The following BMP5 variants were observed in gnomAD, a reference collection of about 807,000 sequenced individuals.
The protein encoded by BMP5 is bone morphogenetic protein 5.
Under a neutral mutation model 46.6 loss-of-function variants are expected in BMP5, and 23 were observed. The ratio of observed to expected loss-of-function variants is 0.49; its 90% confidence interval spans 0.35 to 0.70. The LOEUF (loss-of-function observed/expected upper bound fraction) is 0.70. BMP5 is among the 30% of genes least tolerant of loss of function. The probability of loss-of-function intolerance (pLI) is 0.00; values close to 1 mark genes in which losing one functional copy is unlikely to be tolerated. For synonymous variants in BMP5, 204 were observed against 191.9 expected (o/e 1.06, Z -0.52); for missense variants, 545 against 565.6 (o/e 0.96, Z 0.37).
At chr6:55,837,401 C>T (rs1776840782) in intron 1 of BMP5, among the ~76,000 whole-genome samples, 1 of 143,448 alleles carries the variant, frequency 7.0e-6, no homozygotes, top group Non-Finnish European at 1.5e-5. Context: ...AAGAGATAGG[C>T]AGGCAGACAG....
intron 4 of BMP5, among the ~76,000 whole-genome samples, chr6:55,765,384 A>G (rs1406849867): frequency 6.6e-6 from 1 of 152,236 alleles, no homozygotes; most frequent in Non-Finnish European, 1.5e-5. Context: ...GCTGTTTCAA[A>G]GCAAAAGAGG....
At chr6:55,873,914 C>T (rs1408325282) in intron 1 of BMP5, among the ~76,000 whole-genome samples, 1 of 151,790 alleles carries the variant, frequency 6.6e-6, no homozygotes. Flanking sequence ...TATATTTTTA[C>T]AGTAGTTGCC....
rs1562023477 is a variant in BMP5 at position 55,759,172 on chromosome 6, A to AAAAAAAAAC, written c.1105-58_1105-57insGTTTTTTTT. On this transcript the variant is annotated intron_variant, in intron 5 of 6. Transcript: ENST00000370830. ...AAAAAAAAAAAAAAAAAAAAAAAAAAAAAAAAAAAAACAACAAGAAAAAAT... is the reference window on the plus strand; with the variant it reads ...AAAAAAAAAAAAAAAAAAAAAAAAAAAAAAAAAACAAAAAAAAAAACAACAAGAAAAAAT... The AAAAAAAAAC allele has an allele frequency of 3.5e-5, 26 of 738,952 alleles. 1 individual carries two copies. Among genetic ancestry groups the AAAAAAAAAC allele is most frequent in the South Asian group, 1.0e-4 (5 of 48,068 alleles). The allele number at this position is 738,952 out of a possible 1,614,324, so 45.8% of individuals were successfully genotyped here.
chr6:55,782,970 T>C (rs910843733), intron 3 of BMP5, among the ~76,000 whole-genome samples: 3 of 152,122 alleles, frequency 2.0e-5, no homozygotes, highest in Admixed American at 1.3e-4. Flanking sequence ...TTTTTAGAGA[T>C]TGGTGAATAC....
chr6:55,810,257 T>A (rs2127534941), intron 2 of BMP5, among the ~76,000 whole-genome samples: 1 of 152,308 alleles, frequency 6.6e-6, no homozygotes, highest in Non-Finnish European at 1.5e-5. Flanking sequence ...TCAGAATATC[T>A]AATTCCATGC....
intron 1 of BMP5, among the ~76,000 whole-genome samples, chr6:55,843,896 T>G (rs1777030010): frequency 6.6e-6 from 1 of 152,020 alleles, no homozygotes; most frequent in Non-Finnish European, 1.5e-5. Context: ...CTTATGACAT[T>G]CTTGTTTTTT....
rs1051632078 is a variant in BMP5, at chr6:55,754,644, C to G, written c.*889G>C. The stretch of plus-strand genomic sequence containing the variant: ...GCATCTTCTGCTCTTGTACATTTTA[C>G]GCATGCAGTGACTCTTGCCTGTGGG... On this transcript the variant is annotated 3_prime_UTR_variant, in exon 7 of 7. Coordinates refer to ENST00000370830, the MANE Select transcript of BMP5 (RefSeq NM_021073.4). 1 of 151,862 alleles carries G rather than the reference C, an allele frequency of 6.6e-6. No homozygotes were observed. Among genetic ancestry groups the G allele is most frequent in the African/African-American group, 2.4e-5 (1 of 41,394 alleles). The allele number at this position is 151,862 out of a possible 1,614,324, so 9.4% of individuals were successfully genotyped here. A position where few individuals can be genotyped will look rare whatever the true frequency, so the allele number is the denominator to read the frequency against.
intron 1 of BMP5, among the ~76,000 whole-genome samples, chr6:55,828,828 A>C (rs1408906177): frequency 6.6e-6 from 1 of 151,804 alleles, no homozygotes; most frequent in Non-Finnish European, 1.5e-5. Context: ...CAAACAAATA[A>C]ATATCTGAAA....
chr6:55,850,796 G>T (rs1012448618), intron 1 of BMP5, among the ~76,000 whole-genome samples: 3 of 152,126 alleles, frequency 2.0e-5, no homozygotes, highest in African/African-American at 2.4e-5. Flanking sequence ...AAGAAAGTAG[G>T]TTCCAGTCCC....
chr6:55,797,594 GTTTGTGATTATTTTCTTTTCTTTTT>G (rs1262335984), intron 2 of BMP5, among the ~76,000 whole-genome samples: 4 of 146,496 alleles, frequency 2.7e-5, no homozygotes, highest in Non-Finnish European at 6.0e-5. Context: ...TCAGAATGGT[GTTTGTGATTATTTTCTTTTCTTTTT>G]TTTTTTTTTT....
chr6:55,846,467 G>A (rs760089147), intron 1 of BMP5, among the ~76,000 whole-genome samples: 4 of 151,854 alleles, frequency 2.6e-5, no homozygotes, highest in Non-Finnish European at 4.4e-5. Context: ...TCGTGGTAGC[G>A]TTACTTAATA....
intron 1 of BMP5, among the ~76,000 whole-genome samples, chr6:55,866,140 T>A (rs1777634938): frequency 6.6e-6 from 1 of 152,200 alleles, no homozygotes; most frequent in Non-Finnish European, 1.5e-5. Flanking sequence ...CCTCTCTTCC[T>A]CTTTTAATAA....
At chr6:55,771,525 G>C (rs889807589) in intron 4 of BMP5, among the ~76,000 whole-genome samples, 2 of 151,800 alleles carry the variant, frequency 1.3e-5, no homozygotes, top group Admixed American at 6.6e-5. Flanking sequence ...CTGTCAGCAC[G>C]TTAATTTACT....
chr6:55,796,471 T>A (rs957453751), intron 2 of BMP5, among the ~76,000 whole-genome samples: 7 of 151,960 alleles, frequency 4.6e-5, no homozygotes, highest in East Asian at 1.9e-4. Flanking sequence ...ATATATATAT[T>A]TTTTTCTTAT....
At chr6:55,844,002 A>G (rs1777033758) in intron 1 of BMP5, among the ~76,000 whole-genome samples, 1 of 152,056 alleles carries the variant, frequency 6.6e-6, no homozygotes, top group South Asian at 2.1e-4. Flanking sequence ...GAACATATAC[A>G]CTAAAGGTGA....
At chr6:55,862,034 T>A (rs1777537825) in intron 1 of BMP5, among the ~76,000 whole-genome samples, 1 of 152,224 alleles carries the variant, frequency 6.6e-6, no homozygotes, top group Non-Finnish European at 1.5e-5. Flanking sequence ...GCATGCTCTC[T>A]TGCACATCAT....
chr6:55,838,126 T>C (rs565595819), intron 1 of BMP5, among the ~76,000 whole-genome samples: 1 of 152,282 alleles, frequency 6.6e-6, no homozygotes, highest in East Asian at 1.9e-4. Context: ...AACACAGGAG[T>C]GCAGTTATCT....
chr6:55,825,374 G>C (rs16887207), intron 1 of BMP5, among the ~76,000 whole-genome samples: 1,948 of 151,888 alleles, frequency 0.013, 41 homozygotes, highest in African/African-American at 0.044. Flanking sequence ...GGTTTAAAAA[G>C]TGGTAACATC....
rs1284874794 is a variant in BMP5, at chr6:55,773,978, G to T, written c.1027+71C>A. The T allele has an allele frequency of 3.2e-5, 49 of 1,518,914 alleles. No individual in the cohort carries two copies. In the Middle Eastern group the frequency reaches 1.2e-3, roughly 36 times the overall value. The allele number at this position is 1,518,914 out of a possible 1,614,324, so 94.1% of individuals were successfully genotyped here. A position where few individuals can be genotyped will look rare whatever the true frequency, so the allele number is the denominator to read the frequency against. ...GGTATACATAGAGGGTAAATTTATT[G>T]TGGCTACTTGATTTGCAGCATACGA... On this transcript the variant is annotated intron_variant, in intron 4 of 6. Coordinates refer to ENST00000370830, the MANE Select transcript of BMP5 (RefSeq NM_021073.4).
Sources: allele counts gnomAD v4.1 joint callset (sites outside exome capture counted in the v4.1 genomes callset), GRCh38; gene constraint gnomAD v4.1.1; transcripts MANE v1.5; gene names NCBI Gene and HGNC (gene_info 2026-07-23, HGNC 2026-07-21).